The following CDCA8 variants were observed in gnomAD, a reference collection of about 807,000 sequenced individuals.
CDCA8 encodes cell division cycle associated 8.
Under a neutral mutation model 40.0 loss-of-function variants are expected in CDCA8, and 25 were observed. The observed-to-expected ratio is 0.63, with a 90% CI of 0.46 to 0.87. The LOEUF is 0.87. Among genes scored for constraint, CDCA8 ranks in the 40% least tolerant of loss-of-function variants. The probability of loss-of-function intolerance (pLI) is 0.00; values close to 1 mark genes in which losing one functional copy is unlikely to be tolerated. For synonymous variants in CDCA8, 111 were observed against 126.5 expected (o/e 0.88, Z 0.82); for missense variants, 280 against 348.4 (o/e 0.80, Z 1.56).
chr1:37,698,618 T>C (rs1385465576), intron 3 of CDCA8, among the ~76,000 whole-genome samples: 2 of 152,132 alleles, frequency 1.3e-5, no homozygotes, highest in Non-Finnish European at 2.9e-5. Flanking sequence ...TGCAATGATA[T>C]GGTTACCCCT....
intron 5 of CDCA8, 61 bp from the exon 6 acceptor site, chr1:37,701,693 T>A: frequency 3.4e-4 from 304 of 897,182 alleles, no homozygotes; most frequent in Non-Finnish European, 4.9e-4. Context: ...AAAAAAACCC[T>A]CCTTACCTTC....
chr1:37,699,585 AGAAAG>A (rs56083905), intron 4 of CDCA8, among the ~76,000 whole-genome samples: 18,384 of 143,464 alleles, frequency 0.13, 1,495 homozygotes, highest in South Asian at 0.17. Context: ...AAAGAAAGAA[AGAAAG>A]GAAAGGAAAG....
intron 5 of CDCA8, 118 bp from the exon 6 acceptor site, chr1:37,701,633 ATAT>A (rs1645564595): frequency 3.4e-6 from 2 of 596,586 alleles, no homozygotes; most frequent in African/African-American, 3.8e-5. Context: ...ACACCTTATT[ATAT>A]TTAGTATTAA....
chr1:37,694,674 A>G (rs769909798), intron 2 of CDCA8, among the ~76,000 whole-genome samples: 5 of 152,188 alleles, frequency 3.3e-5, no homozygotes, highest in African/African-American at 7.2e-5. Context: ...TAATATCCCT[A>G]TTTTTCAAAA....
At chr1:37,704,444 G>A (rs925729001) in intron 7 of CDCA8, among the ~76,000 whole-genome samples, 5 of 152,088 alleles carry the variant, frequency 3.3e-5, no homozygotes, top group Admixed American at 6.5e-5. Context: ...AAAGAGCACC[G>A]TGATCACAGA....
chr1:37,705,644 C>T (rs1376692644), intron 8 of CDCA8, 77 bp downstream of exon 8: 5 of 1,547,800 alleles, frequency 3.2e-6, no homozygotes, highest in African/African-American at 2.7e-5. Context: ...CCCTCACCCA[C>T]GCTTCACCCT....
At chr1:37,707,768 C>A (rs886601359) in intron 9 of CDCA8, among the ~76,000 whole-genome samples, 1 of 152,180 alleles carries the variant, frequency 6.6e-6, no homozygotes, top group African/African-American at 2.4e-5. Flanking sequence ...CTGCAGTGAC[C>A]CATGATCGTG....
rs557197476 is a variant in CDCA8, at chr1:37,696,699, A to T, written c.264+749A>T. Among the ~76,000 whole-genome samples the T allele has an allele frequency of 4.6e-5, 7 of 152,354 alleles. No homozygotes were observed. In the South Asian group the frequency reaches 1.2e-3, roughly 27 times the overall value. ...ACAAACAATGCGTGTGTATGCACGC[A>T]TTTGTGTATCTTTCTGTTAGTTTAT... On this transcript the variant is annotated intron_variant, in intron 3 of 9. Transcript: ENST00000373055. This position sits in a 1 kb window ranked among gnomAD's most constrained non-coding sequence, Gnocchi z 5.0.
Position 37,692,893 on chromosome 1 carries a change from G to C in CDCA8, c.95-12G>C. ...CCGTGACCCGTGTCCTGTCGGCTCT[G>C]CCCTCCCGCAGTGGAAATACGAATC... On this transcript the variant is annotated splice_polypyrimidine_tract_variant and intron_variant, in intron 1 of 9. Coordinates refer to ENST00000373055, the MANE Select transcript of CDCA8 (RefSeq NM_001256875.2). 1 of 1,613,722 alleles carries C rather than the reference G, an allele frequency of 6.2e-7. No homozygotes were observed. Among genetic ancestry groups the C allele is most frequent in the Non-Finnish European group, 8.5e-7 (1 of 1,179,750 alleles).
chr1:37,703,702 T>C (rs1645580307), intron 7 of CDCA8, among the ~76,000 whole-genome samples: 1 of 151,874 alleles, frequency 6.6e-6, no homozygotes, highest in Non-Finnish European at 1.5e-5. Flanking sequence ...GGCAACAGAG[T>C]GAGACTCTGT....
At chr1:37,699,792 C>T (rs929416172) in intron 4 of CDCA8, among the ~76,000 whole-genome samples, 2 of 151,888 alleles carry the variant, frequency 1.3e-5, no homozygotes, top group African/African-American at 4.8e-5. Flanking sequence ...TGGTGGCGGG[C>T]GCCTGTAGTC....
rs1319100572 is a variant in CDCA8, at chr1:37,692,981, G to C, written c.171G>C (p.Glu57Asp). The change falls in exon 2 of 10, where the codon GAG becomes GAC. Residue 57 changes from glutamate (E) to aspartate (D), a missense_variant. Glu to Asp is a conservative substitution (Grantham distance 45, BLOSUM62 2). Transcript: ENST00000373055. The stretch of plus-strand genomic sequence containing the variant: ...AGGTGGATAACCTCTACAACATCGA[G>C]ATCCTGCGGCTCCCCAAGGCTCTGC... ...LKEVDNLYNIEILRLPKALRE... is the reference protein window; with the variant it reads ...LKEVDNLYNIDILRLPKALRE... 6.2e-7 allele frequency: 1 copy of C among 1,613,990 alleles called. No homozygotes were observed. The highest frequency in any genetic ancestry group is 1.7e-5 in the Admixed American group (1 of 60,002).
At position 37,708,646 on chromosome 1, in the gene CDCA8, T is replaced by C. The variant is rs1452306832; in HGVS notation, c.*280T>C. ...GAATCCTCCCTGCTCTCTGAGCTGC[T>C]GCCTTTTGCCTCCTGCAACTCAACA... On this transcript the variant is annotated 3_prime_UTR_variant, in exon 10 of 10. Transcript: ENST00000373055. 1 of 475,416 alleles carries C rather than the reference T, an allele frequency of 2.1e-6. No individual in the cohort carries two copies. Among genetic ancestry groups the C allele is most frequent in the African/African-American group, 1.9e-5 (1 of 51,414 alleles). 29.4% of individuals were successfully genotyped at this position (475,416 alleles called of 1,614,324 possible). A position where few individuals can be genotyped will look rare whatever the true frequency, so the allele number is the denominator to read the frequency against.
chr1:37,708,409 G>T lies in CDCA8; in HGVS notation c.*43G>T. ...GATGGACTTTTAATGGGCACTTCTG[G>T]GACCCTGAAGAGACTTCTTCCCTTC... On this transcript the variant is annotated 3_prime_UTR_variant, in exon 10 of 10. Transcript: ENST00000373055. The T allele has an allele frequency of 6.4e-7, 1 of 1,566,092 alleles. No homozygotes were observed. Among genetic ancestry groups the T allele is most frequent in the Non-Finnish European group, 8.8e-7 (1 of 1,136,518 alleles).
At chr1:37,706,566 G>C (rs1669244619) in intron 8 of CDCA8, among the ~76,000 whole-genome samples, 1 of 152,232 alleles carries the variant, frequency 6.6e-6, no homozygotes, top group South Asian at 2.1e-4. Flanking sequence ...GGGTGGTGCA[G>C]AGGAGGGCAC....
rs1444521737 is a variant in CDCA8, at chr1:37,709,664, T to TAATC, written c.*1300_*1303dup. 6.6e-6 allele frequency: 1 copy of TAATC among 152,208 alleles called. No homozygotes were observed. Among genetic ancestry groups the TAATC allele is most frequent in the African/African-American group, 2.4e-5 (1 of 41,438 alleles). The allele number at this position is 152,208 out of a possible 1,614,324, so 9.4% of individuals were successfully genotyped here. A position where few individuals can be genotyped will look rare whatever the true frequency, so the allele number is the denominator to read the frequency against. On this transcript the variant is annotated 3_prime_UTR_variant, in exon 10 of 10. Coordinates refer to ENST00000373055, the MANE Select transcript of CDCA8 (RefSeq NM_001256875.2). ...AATGGTATCTTTGAGCTGATTGTTC[T>TAATC]AATCAGAGCTGGTACCTACTTTCAA...
intron 2 of CDCA8, among the ~76,000 whole-genome samples, chr1:37,695,265 T>C (rs1645518337): frequency 6.7e-6 from 1 of 149,580 alleles, no homozygotes; most frequent in Non-Finnish European, 1.5e-5. Flanking sequence ...TGGGGATTCA[T>C]GCCTATAATC....
chr1:37,704,951 TCC>T (rs1197057245), intron 7 of CDCA8, among the ~76,000 whole-genome samples: 7 of 152,188 alleles, frequency 4.6e-5, no homozygotes, highest in Non-Finnish European at 2.9e-5. Context: ...CTCAGCCAGT[TCC>T]CACTTTTCTT....
At chr1:37,703,758 G>A (rs1162895892) in intron 7 of CDCA8, among the ~76,000 whole-genome samples, 3 of 152,112 alleles carry the variant, frequency 2.0e-5, no homozygotes, top group Non-Finnish European at 4.4e-5. Context: ...GGCCTGGGAT[G>A]CCTTGTCAGA....
Sources: gnomAD v4.1 joint callset for allele counts (sites outside exome capture counted in the v4.1 genomes callset) on GRCh38, gnomAD v4.1.1 for gene constraint, Gnocchi (gnomAD v3.1) non-coding constraint, MANE v1.5 for transcripts, NCBI Gene and HGNC (gene_info 2026-07-23, HGNC 2026-07-21) for gene names.